The following MMP27 variants were observed in gnomAD, a reference collection of about 807,000 sequenced individuals.
The protein encoded by MMP27 is matrix metallopeptidase 27.
Under a neutral mutation model 48.1 loss-of-function variants are expected in MMP27, and 51 were observed. The observed-to-expected ratio is 1.06, with a 90% CI of 0.85 to 1.34. The LOEUF (loss-of-function observed/expected upper bound fraction) is 1.34, where lower values mean the gene tolerates loss of function less well. Among genes scored for constraint, MMP27 ranks in the 40% most tolerant of loss-of-function variants. The pLI, the probability that MMP27 is intolerant of heterozygous loss-of-function variation, is 0.00. For synonymous variants in MMP27, 229 were observed against 208.9 expected (o/e 1.10, Z -0.83); for missense variants, 698 against 619.3 (o/e 1.13, Z -1.35).
intron 1 of MMP27, 97 bp from the exon 2 acceptor site, chr11:102,704,872 G>A: frequency 1.4e-6 from 1 of 716,244 alleles, no homozygotes; most frequent in East Asian, 2.7e-5. Context: ...AATTCCTTCT[G>A]GCAATAGGAA....
chr11:102,697,953 GT>G (rs1337977961), intron 4 of MMP27, among the ~76,000 whole-genome samples: 1 of 152,156 alleles, frequency 6.6e-6, no homozygotes, highest in Non-Finnish European at 1.5e-5. Flanking sequence ...CCACTGGAAA[GT>G]CTTCAGGGGC....
At chr11:102,705,536 T>A in intron 1 of MMP27, 77 bp downstream of exon 1, 1 of 968,934 alleles carries the variant, frequency 1.0e-6, no homozygotes, top group Non-Finnish European at 1.5e-6. Context: ...GGAATGTGTT[T>A]TCTTTTTAGG....
intron 4 of MMP27, among the ~76,000 whole-genome samples, chr11:102,701,522 C>A (rs891226336): frequency 6.6e-6 from 1 of 152,188 alleles, no homozygotes. Context: ...GAAACACACC[C>A]GCAGTGTCTT....
At chr11:102,699,610 G>A (rs1002435120) in intron 4 of MMP27, among the ~76,000 whole-genome samples, 3 of 152,214 alleles carry the variant, frequency 2.0e-5, no homozygotes, top group South Asian at 2.1e-4. Flanking sequence ...ACGTAAAAGG[G>A]CAAAGAATTA....
chr11:102,695,837 A>G (rs896850569), intron 6 of MMP27, among the ~76,000 whole-genome samples: 2 of 152,210 alleles, frequency 1.3e-5, no homozygotes, highest in African/African-American at 4.8e-5. Flanking sequence ...GAGAGAAGGG[A>G]TTTCCCACTA....
In MMP27 at chr11:102,702,198, C is replaced by T. The variant is rs73590660; in HGVS notation, c.619+555G>A. Among the ~76,000 whole-genome samples the T allele has an allele frequency of 8.3e-3, 1,269 of 152,330 alleles. 23 individuals are homozygous for T. The highest frequency in any genetic ancestry group is 0.029 in the African/African-American group (1,202 of 41,570). The stretch of plus-strand genomic sequence containing the variant: ...ATAAGTCAAATATAAGGATTAAGGT[C>T]TGATTCCTTTGCAGCTGGGCAAGAG... On this transcript the variant is annotated intron_variant, in intron 4 of 9. Coordinates refer to ENST00000260229, the MANE Select transcript of MMP27 (RefSeq NM_022122.3).
rs1458089270 is a variant in MMP27, at chr11:102,694,990, C to T, written c.1010G>A (p.Arg337Lys). The T allele has an allele frequency of 6.2e-7, 1 of 1,613,956 alleles. No homozygotes were observed. Among genetic ancestry groups the T allele is most frequent in the Non-Finnish European group, 8.5e-7 (1 of 1,179,948 alleles). Residue 337 changes from arginine to lysine, a missense_variant, in exon 7 of 10, where the codon AGA becomes AAA. Coordinates refer to ENST00000260229, the MANE Select transcript of MMP27 (RefSeq NM_022122.3). ...ACCTTTAAAAACCAGAATCTTATCT[C>T]TGGGGTTCTCGTATGCAGCTTGCAG... ...ADLQAAYENPRDKILVFKDEN... is the reference protein window; with the variant it reads ...ADLQAAYENPKDKILVFKDEN...
chr11:102,702,030 G>C (rs912602139), intron 4 of MMP27, among the ~76,000 whole-genome samples: 1 of 152,180 alleles, frequency 6.6e-6, no homozygotes, highest in African/African-American at 2.4e-5. Context: ...AAAATCTATT[G>C]AGCTTGCTCT....
Position 102,703,074 on chromosome 11 carries a change from T to A in MMP27, c.386A>T (p.Glu129Val). 1 of 1,614,132 alleles carries A rather than the reference T, an allele frequency of 6.2e-7. No homozygotes were observed. Among genetic ancestry groups the A allele is most frequent in the Non-Finnish European group, 8.5e-7 (1 of 1,179,988 alleles). Residue 129 changes from glutamate (E) to valine (V), a missense_variant, in exon 3 of 10, where the codon GAG (glutamate) becomes GTG (valine). Transcript: ENST00000260229. ...CACTTCTAAACCTTCTTGGATAGCC[T>A]CATCCACAGCAGCTCGTGCCATATC... ...TPDMARAAVD[E>V]AIQEGLEVWS...
rs761784029 is a variant in MMP27, at chr11:102,693,080, G to T, written c.1194-39C>A. 40 of 1,533,724 alleles carry T rather than the reference G, an allele frequency of 2.6e-5. No homozygotes were observed. The African/African-American group carries it at 4.5e-4, about 17-fold the overall frequency. ...TATGAAAGGATACCAGCGGATCTTT[G>T]GTTTGGGGAGCTTAATTTGTCTACC... is the stretch of plus-strand genomic sequence containing the variant. On this transcript the variant is annotated intron_variant, in intron 8 of 9. Coordinates refer to ENST00000260229, the MANE Select transcript of MMP27 (RefSeq NM_022122.3).
intron 2 of MMP27, among the ~76,000 whole-genome samples, chr11:102,703,716 G>A (rs1860990904): frequency 6.6e-6 from 1 of 151,984 alleles, no homozygotes; most frequent in African/African-American, 2.4e-5. Context: ...TAGAGATGGG[G>A]TTTTGCCACG....
At position 102,703,725 on chromosome 11, in the gene MMP27, C is replaced by T. The variant is rs576300728; in HGVS notation, c.342-607G>A. The stretch of plus-strand genomic sequence containing the variant: ...TTTTAGTAGAGATGGGGTTTTGCCA[C>T]GTTTGCCAGGCTGGTCTCAAACTCC... On this transcript the variant is annotated intron_variant, in intron 2 of 9. Transcript: ENST00000260229. Among the ~76,000 whole-genome samples the T allele has an allele frequency of 6.6e-5, 10 of 152,106 alleles. No homozygotes were observed. In the East Asian group the frequency reaches 7.8e-4, roughly 12 times the overall value.
chr11:102,702,910 G>T (rs762947559), intron 3 of MMP27, 29 bp from the exon 4 acceptor site: 12 of 1,611,966 alleles, frequency 7.4e-6, no homozygotes, highest in Non-Finnish European at 9.3e-6. Flanking sequence ...GAGGAAAAAA[G>T]ATCAGCTTCC....
intron 4 of MMP27, among the ~76,000 whole-genome samples, chr11:102,698,753 A>G (rs1860881092): frequency 6.6e-6 from 1 of 152,192 alleles, no homozygotes; most frequent in African/African-American, 2.4e-5. Flanking sequence ...TGCTAATAAC[A>G]TATCTCTTCC....
chr11:102,691,754 A>C lies in MMP27; in HGVS notation c.*12T>G, dbSNP rs1212323456. 1 of 1,562,560 alleles carries C rather than the reference A, an allele frequency of 6.4e-7. No individual in the cohort carries two copies. Among genetic ancestry groups the C allele is most frequent in the Admixed American group, 1.8e-5 (1 of 55,348 alleles). ...TAAAAGACCTGTTGAGGTTTATTTT[A>C]GGTCTATGAATTTATTGATAAATAG... On this transcript the variant is annotated 3_prime_UTR_variant, in exon 10 of 10. Transcript: ENST00000260229.
Position 102,702,955 on chromosome 11 carries a change from T to C in MMP27, c.490+15A>G. The C allele has an allele frequency of 1.2e-6, 2 of 1,612,256 alleles. No individual in the cohort carries two copies. Among genetic ancestry groups the C allele is most frequent in the Non-Finnish European group, 1.7e-6 (2 of 1,179,284 alleles). On this transcript the variant is annotated intron_variant, in intron 3 of 9. Coordinates refer to ENST00000260229, the MANE Select transcript of MMP27 (RefSeq NM_022122.3). ...CTGAGATAAAAATAGCTTTGCTCTC[T>C]GTTGAAAACCTTACCTCGAGTCCTA...
Position 102,703,131 on chromosome 11 carries a change from CA to C in MMP27, c.342-14del, listed in dbSNP as rs1215278612. 2.5e-6 allele frequency: 4 copies of C among 1,604,236 alleles called. No homozygotes were observed. The highest frequency in any genetic ancestry group is 3.4e-6 in the Non-Finnish European group (4 of 1,176,962). On this transcript the variant is annotated splice_polypyrimidine_tract_variant and intron_variant, in intron 2 of 9. Coordinates refer to ENST00000260229, the MANE Select transcript of MMP27 (RefSeq NM_022122.3). ...ATAGTTTATTATTCTTAAAAATTAA[CA>C]AAAATATGTCAATTTCTGGCTTATT...
intron 1 of MMP27, 56 bp downstream of exon 1, chr11:102,705,557 A>T (rs1460249554): frequency 1.7e-6 from 2 of 1,164,940 alleles, no homozygotes; most frequent in Non-Finnish European, 2.4e-6. Context: ...TCCCAAGAGA[A>T]TCAATAAAAT....
intron 7 of MMP27, among the ~76,000 whole-genome samples, chr11:102,694,319 G>A (rs995733432): frequency 6.6e-6 from 1 of 152,006 alleles, no homozygotes; most frequent in Non-Finnish European, 1.5e-5. Flanking sequence ...CTTTTAATTG[G>A]CTAACTCTGT....
Sources: allele counts gnomAD v4.1 joint callset (sites outside exome capture counted in the v4.1 genomes callset), GRCh38; gene constraint gnomAD v4.1.1; transcripts MANE v1.5; gene names NCBI Gene and HGNC (gene_info 2026-07-23, HGNC 2026-07-21).